Variants in NADK2 observed in about 807,000 individuals in gnomAD.
NADK2 encodes NAD kinase domain-containing protein 1, mitochondrial.
In NADK2, 35 loss-of-function variants were observed where a neutral mutation model predicts 62.1. The observed-to-expected ratio is 0.56, with a 90% CI of 0.43 to 0.75. NADK2 has a LOEUF of 0.75. NADK2 is among the 30% of genes least tolerant of loss of function. The probability of loss-of-function intolerance (pLI) is 0.00; values close to 1 mark genes in which losing one functional copy is unlikely to be tolerated. For synonymous variants in NADK2, 205 were observed against 207.9 expected, an observed-to-expected ratio of 0.99 and a Z score of 0.12; for missense variants, 439 against 561.3, an observed-to-expected ratio of 0.78 and a Z score of 2.20.
rs1746104150 is a variant in NADK2, at chr5:36,193,517, G to A, written c.*1627C>T. ...AAAAGAAGGTATTTTAAGCCTGTTA[G>A]GGGAGGTTCTATAGTATGGAGCTTC... On this transcript the variant is annotated 3_prime_UTR_variant, in exon 12 of 12. Transcript: ENST00000381937. 1 of 149,444 alleles carries A rather than the reference G, an allele frequency of 6.7e-6. No homozygotes were observed. The highest frequency in any genetic ancestry group is 2.1e-4 in the South Asian group (1 of 4,694). The allele number at this position is 149,444 out of a possible 1,614,324, so 9.3% of individuals were successfully genotyped here.
chr5:36,242,279 T>A (rs1748174936), upstream of NADK2: 1 of 152,248 alleles, frequency 6.6e-6, no homozygotes, highest in Non-Finnish European at 1.5e-5. Context: ...TGTTAGGCGA[T>A]TGCGTCGCCC....
intron 6 of NADK2, among the ~76,000 whole-genome samples, chr5:36,214,301 C>T (rs1389882575): frequency 6.6e-6 from 1 of 152,112 alleles, no homozygotes; most frequent in Non-Finnish European, 1.5e-5. Context: ...CTGCCTCAGC[C>T]TCCTGAGGAG....
chr5:36,199,501 G>C (rs889242090), intron 10 of NADK2, among the ~76,000 whole-genome samples: 10 of 152,046 alleles, frequency 6.6e-5, no homozygotes, highest in African/African-American at 2.4e-4. Context: ...TTTGAGGTGT[G>C]TACAAGAATG....
chr5:36,206,642 G>T (rs1409381893), intron 8 of NADK2, among the ~76,000 whole-genome samples: 1 of 152,044 alleles, frequency 6.6e-6, no homozygotes, highest in African/African-American at 2.4e-5. Flanking sequence ...TGTTGAATCT[G>T]AAGTGCTACT....
In NADK2 at chr5:36,195,186, GATC is replaced by G. The variant is rs765169352; in HGVS notation, c.1284_1286del (p.Met428del). ...CAGTTCGAAGCTCATCTTCTTTATTGATCATCATCGAAGCAATTGCACCATCAT... is the reference window on the plus strand; with the variant it reads ...CAGTTCGAAGCTCATCTTCTTTATTGATCATCGAAGCAATTGCACCATCAT... On this transcript the variant is annotated inframe_deletion, in exon 12 of 12. Transcript: ENST00000381937. The G allele has an allele frequency of 1.5e-5, 24 of 1,613,012 alleles. No homozygotes were observed.
rs1746858354 is a variant in NADK2, at chr5:36,211,849, T to C, written c.855A>G (p.Ser285=). 1 of 1,612,940 alleles carries C rather than the reference T, an allele frequency of 6.2e-7. No individual in the cohort carries two copies. The highest frequency in any genetic ancestry group is 8.5e-7 in the Non-Finnish European group (1 of 1,179,230). The change falls in exon 7 of 12, where the codon TCA becomes TCG. Residue 285 remains serine (S), a synonymous_variant. Transcript: ENST00000381937. ...GATCACAGGTTTAAAAGTACCTGGA[T>C]GACAGACTCTCCCCAATGAAGACTT... The part of the protein sequence containing the change: ...LNEVFIGESL[S]SRASYYEISV...
intron 1 of NADK2, among the ~76,000 whole-genome samples, chr5:36,240,052 A>C (rs1234230083): frequency 6.6e-6 from 1 of 152,212 alleles, no homozygotes; most frequent in Non-Finnish European, 1.5e-5. Context: ...AGACTTTGCA[A>C]AATTAGTACA....
At chr5:36,206,789 T>C (rs1026663207) in intron 8 of NADK2, among the ~76,000 whole-genome samples, 1 of 152,144 alleles carries the variant, frequency 6.6e-6, no homozygotes, top group Non-Finnish European at 1.5e-5. Flanking sequence ...AAACAGGACA[T>C]AGGGATGCAC....
At chr5:36,219,744 T>A (rs1309737939) in intron 4 of NADK2, 65 bp from the exon 5 acceptor site, 2 of 1,248,556 alleles carry the variant, frequency 1.6e-6, no homozygotes, top group African/African-American at 1.5e-5. Context: ...AGCAAAAAAA[T>A]TTAATCAAAA....
At chr5:36,238,991 T>C (rs896631399) in intron 1 of NADK2, among the ~76,000 whole-genome samples, 5 of 152,108 alleles carry the variant, frequency 3.3e-5, no homozygotes, top group African/African-American at 1.2e-4. Context: ...TGGCACTCTA[T>C]CCTTCATCTT....
At chr5:36,200,358 G>A in intron 9 of NADK2, 78 bp from the exon 10 acceptor site, 1 of 846,176 alleles carries the variant, frequency 1.2e-6, no homozygotes, top group South Asian at 3.1e-5. Context: ...GAAAAAGGGG[G>A]AAAAATGCTT....
At chr5:36,225,988 A>G (rs1010157979) in intron 3 of NADK2, among the ~76,000 whole-genome samples, 11 of 152,184 alleles carry the variant, frequency 7.2e-5, no homozygotes, top group Non-Finnish European at 1.3e-4. Flanking sequence ...CCAAATTCAC[A>G]AATTATTTTA....
chr5:36,230,660 T>C (rs761939360), intron 1 of NADK2, among the ~76,000 whole-genome samples: 24 of 152,238 alleles, frequency 1.6e-4, no homozygotes, highest in Non-Finnish European at 2.9e-4. Context: ...ACCCAGAAAG[T>C]GACAACAGTG....
chr5:36,202,520 G>GTA (rs1424605122), intron 8 of NADK2, among the ~76,000 whole-genome samples: 1 of 152,048 alleles, frequency 6.6e-6, no homozygotes, highest in Non-Finnish European at 1.5e-5. Flanking sequence ...CCTATATCCT[G>GTA]TCTCCTGTGG....
In NADK2 at chr5:36,241,813, C is replaced by A. The variant is rs1426024112; in HGVS notation, c.-15G>T. 2 of 1,306,774 alleles carry A rather than the reference C, an allele frequency of 1.5e-6. No individual in the cohort carries two copies. The highest frequency in any genetic ancestry group is 1.9e-6 in the Non-Finnish European group (2 of 1,029,204). The allele number at this position is 1,306,774 out of a possible 1,614,324, so 80.9% of individuals were successfully genotyped here. A position where few individuals can be genotyped will look rare whatever the true frequency, so the allele number is the denominator to read the frequency against. On this transcript the variant is annotated 5_prime_UTR_variant, in exon 1 of 12. Coordinates refer to ENST00000381937, the MANE Select transcript of NADK2 (RefSeq NM_001085411.3). This position sits in a 1 kb window ranked among gnomAD's most constrained non-coding sequence, Gnocchi z 4.9. ...TAGCAAGTCATCGTGGGCCGGGCCG[C>A]GGCCGCGGGCTTGGGCTCGGGCCCC... is the stretch of plus-strand genomic sequence containing the variant.
chr5:36,219,546 C>A (rs748577644), intron 5 of NADK2, 50 bp downstream of exon 5: 5 of 1,473,992 alleles, frequency 3.4e-6, no homozygotes, highest in Admixed American at 3.4e-5. Context: ...TTATTAATGG[C>A]ACATACTTAT....
intron 4 of NADK2, chr5:36,221,076 G>C (rs929054791): frequency 1.3e-5 from 2 of 152,260 alleles, no homozygotes; most frequent in African/African-American, 2.4e-5. Context: ...GGGGGGCAGG[G>C]AGGAGTACAT....
intron 6 of NADK2, among the ~76,000 whole-genome samples, chr5:36,216,471 C>T (rs1419660622): frequency 6.6e-6 from 1 of 151,954 alleles, no homozygotes; most frequent in Non-Finnish European, 1.5e-5. Context: ...CTTTTGAAGT[C>T]TTAGCCATAA....
In NADK2 at chr5:36,193,626, T is replaced by C. The variant is rs1241988369; in HGVS notation, c.*1518A>G. On this transcript the variant is annotated 3_prime_UTR_variant, in exon 12 of 12. Transcript: ENST00000381937. The stretch of plus-strand genomic sequence containing the variant: ...AACACTACATTTTAATGTATTTCTA[T>C]CTGATATGTCATAAATTCTTTGCTA... 1 of 151,976 alleles carries C rather than the reference T, an allele frequency of 6.6e-6. No homozygotes were observed. Among genetic ancestry groups the C allele is most frequent in the East Asian group, 1.9e-4 (1 of 5,192 alleles). 9.4% of individuals were successfully genotyped at this position (151,976 alleles called of 1,614,324 possible). A position where few individuals can be genotyped will look rare whatever the true frequency, so the allele number is the denominator to read the frequency against.
Sources: gnomAD v4.1 joint callset for allele counts (sites outside exome capture counted in the v4.1 genomes callset) on GRCh38, gnomAD v4.1.1 for gene constraint, Gnocchi (gnomAD v3.1) non-coding constraint, MANE v1.5 for transcripts, NCBI Gene and HGNC (gene_info 2026-07-23, HGNC 2026-07-21) for gene names.